Variants in TMPRSS11D observed in about 807,000 individuals in gnomAD.
The protein encoded by TMPRSS11D is transmembrane protease serine 11D.
Under a neutral mutation model 44.4 loss-of-function variants are expected in TMPRSS11D, and 32 were observed. That is an observed-to-expected ratio of 0.72 (90% CI 0.54 to 0.97). The LOEUF (loss-of-function observed/expected upper bound fraction) is 0.97, where lower values mean the gene tolerates loss of function less well. TMPRSS11D is among the 50% of genes least tolerant of loss of function. TMPRSS11D has a pLI of 0.00. For synonymous variants in TMPRSS11D, 179 were observed against 177.9 expected (o/e 1.01, Z -0.05); for missense variants, 446 against 502.6 (o/e 0.89, Z 1.08).
At chr4:67,870,549 C>T (rs926279011) in intron 1 of TMPRSS11D, among the ~76,000 whole-genome samples, 2 of 151,798 alleles carry the variant, frequency 1.3e-5, no homozygotes, top group East Asian at 1.9e-4. Flanking sequence ...GCGCGGTGGC[C>T]CACGCCTGTA....
At chr4:67,862,483 AG>A (rs963962558) in intron 1 of TMPRSS11D, among the ~76,000 whole-genome samples, 35 of 152,252 alleles carry the variant, frequency 2.3e-4, no homozygotes, top group African/African-American at 8.2e-4. Flanking sequence ...GGGGAAGCAA[AG>A]GGAATCAATA....
chr4:67,845,199 G>T (rs921943069), intron 3 of TMPRSS11D, among the ~76,000 whole-genome samples: 2 of 152,120 alleles, frequency 1.3e-5, no homozygotes, highest in Non-Finnish European at 2.9e-5. Context: ...TGATTAATTG[G>T]TTGATATGCA....
intron 7 of TMPRSS11D, among the ~76,000 whole-genome samples, chr4:67,830,000 C>G (rs1303916594): frequency 6.6e-6 from 1 of 151,896 alleles, no homozygotes; most frequent in East Asian, 1.9e-4. Context: ...AAGATAAGTA[C>G]AAATATTTTG....
In TMPRSS11D at chr4:67,833,257, T is replaced by C. The variant is rs377183393; in HGVS notation, c.639A>G (p.Gly213=). The C allele has an allele frequency of 5.7e-6, 9 of 1,583,538 alleles. No individual in the cohort carries two copies. In the African/African-American group the frequency reaches 1.2e-4, roughly 22 times the overall value. Residue 213 remains glycine, a synonymous_variant, in exon 7 of 10, where the codon GGA becomes GGG. Coordinates refer to ENST00000283916, the MANE Select transcript of TMPRSS11D (RefSeq NM_004262.3). ...TCCACATGTTATTGATCAGGCTGCC[T>C]CCACAGTGGTGGGCATTATTGAGCC... The part of the protein sequence containing the change: ...SLRLNNAHHC[G]GSLINNMWIL...
intron 1 of TMPRSS11D, among the ~76,000 whole-genome samples, chr4:67,870,585 C>T (rs1256670295): frequency 1.3e-5 from 2 of 152,024 alleles, no homozygotes; most frequent in Non-Finnish European, 2.9e-5. Flanking sequence ...GAGGCTGAGG[C>T]GGGCGGATCA....
chr4:67,868,238 C>T (rs1718971603), intron 1 of TMPRSS11D, among the ~76,000 whole-genome samples: 1 of 152,034 alleles, frequency 6.6e-6, no homozygotes, highest in South Asian at 2.1e-4. Flanking sequence ...CTCACTTATA[C>T]ATGGGAGCTA....
chr4:67,853,577 C>T (rs1270309056), intron 3 of TMPRSS11D, among the ~76,000 whole-genome samples: 1 of 152,156 alleles, frequency 6.6e-6, no homozygotes, highest in African/African-American at 2.4e-5. Context: ...CCCAGAGGCT[C>T]TCTTCAAGTT....
intron 1 of TMPRSS11D, among the ~76,000 whole-genome samples, chr4:67,862,720 T>C (rs1577826487): frequency 6.6e-6 from 1 of 152,090 alleles, no homozygotes; most frequent in African/African-American, 2.4e-5. Flanking sequence ...TGGAATACTA[T>C]GCAGCCATAA....
intron 3 of TMPRSS11D, among the ~76,000 whole-genome samples, chr4:67,852,692 G>A (rs1418176135): frequency 6.6e-6 from 1 of 152,192 alleles, no homozygotes; most frequent in African/African-American, 2.4e-5. Context: ...GAATCAGAAT[G>A]ATTTGGGAAG....
At chr4:67,847,154 T>C (rs953946167) in intron 3 of TMPRSS11D, among the ~76,000 whole-genome samples, 1 of 152,328 alleles carries the variant, frequency 6.6e-6, no homozygotes, top group South Asian at 2.1e-4. Flanking sequence ...TCCGCCCACG[T>C]CGGCCTCCCA....
chr4:67,833,333 A>G lies in TMPRSS11D; in HGVS notation c.563T>C (p.Leu188Pro). 1 of 1,591,192 alleles carries G rather than the reference A, an allele frequency of 6.3e-7. No individual in the cohort carries two copies. Among genetic ancestry groups the G allele is most frequent in the East Asian group, 2.3e-5 (1 of 42,734 alleles). Residue 188 changes from leucine (L) to proline (P), a missense_variant, in exon 7 of 10, where the codon CTT becomes CCT. Physicochemically the swap from Leu to Pro is moderately conservative, Grantham distance 98. Coordinates refer to ENST00000283916, the MANE Select transcript of TMPRSS11D (RefSeq NM_004262.3). Reference protein sequence around the residue: ...DLITLSEQRILGGTEAEEGSW... With the variant: ...DLITLSEQRIPGGTEAEEGSW... ...TCCCTCCTCAGCCTCAGTGCCTCCA[A>G]GGATTCTCTGCTCAGACAATGTTAT...
rs1283262540 is a variant in TMPRSS11D at position 67,859,784 on chromosome 4, A to T, written c.9-106T>A. 5 of 1,454,458 alleles carry T rather than the reference A, an allele frequency of 3.4e-6. No individual in the cohort carries two copies. The African/African-American group carries it at 7.0e-5, about 20-fold the overall frequency. The allele number at this position is 1,454,458 out of a possible 1,614,324, so 90.1% of individuals were successfully genotyped here. On this transcript the variant is annotated intron_variant, in intron 1 of 9. Transcript: ENST00000283916. ...TCTTTCCCGGTCTCTTATCTGGGAC[A>T]TGGCTCTAGCCATAGAAACATATTC...
intron 3 of TMPRSS11D, among the ~76,000 whole-genome samples, chr4:67,851,809 C>T (rs867313940): frequency 1.3e-5 from 2 of 152,204 alleles, no homozygotes; most frequent in Non-Finnish European, 2.9e-5. Context: ...CACTTCTCAT[C>T]CTGTCTTCTA....
At chr4:67,842,705 A>G (rs1718262265) in intron 3 of TMPRSS11D, 80 bp from the exon 4 acceptor site, 5 of 1,282,752 alleles carry the variant, frequency 3.9e-6, no homozygotes, top group Middle Eastern at 3.9e-4. Flanking sequence ...AACATGAGAC[A>G]TGTTAATGAG....
At chr4:67,842,721 G>A in intron 3 of TMPRSS11D, 96 bp from the exon 4 acceptor site, 1 of 1,135,984 alleles carries the variant, frequency 8.8e-7, no homozygotes, top group Non-Finnish European at 1.3e-6. Flanking sequence ...ATGAGGAGTA[G>A]AAAACTGAAT....
intron 1 of TMPRSS11D, among the ~76,000 whole-genome samples, chr4:67,872,075 G>C (rs1309266062): frequency 6.6e-6 from 1 of 152,088 alleles, no homozygotes; most frequent in Non-Finnish European, 1.5e-5. Flanking sequence ...GTACTGTAGA[G>C]GGCACTGCTG....
At chr4:67,832,740 G>C (rs977435705) in intron 7 of TMPRSS11D, among the ~76,000 whole-genome samples, 3 of 150,076 alleles carry the variant, frequency 2.0e-5, no homozygotes, top group African/African-American at 7.4e-5. Context: ...ATGGCATGGG[G>C]CAGTCTCTAG....
intron 2 of TMPRSS11D, among the ~76,000 whole-genome samples, chr4:67,856,314 G>T (rs1718633312): frequency 1.3e-5 from 2 of 151,874 alleles, no homozygotes; most frequent in South Asian, 2.1e-4. Flanking sequence ...AGAATAGAGA[G>T]CCCAGAAAGA....
chr4:67,840,294 C>T (rs557264369), intron 4 of TMPRSS11D, among the ~76,000 whole-genome samples: 2 of 152,076 alleles, frequency 1.3e-5, no homozygotes, highest in Non-Finnish European at 2.9e-5. Context: ...ATCTTTCTTA[C>T]ATGGTGGCAG....
Sources: allele counts gnomAD v4.1 joint callset (sites outside exome capture counted in the v4.1 genomes callset), GRCh38; gene constraint gnomAD v4.1.1; transcripts MANE v1.5; gene names NCBI Gene and HGNC (gene_info 2026-07-23, HGNC 2026-07-21).